The following DENND5B variants were observed in gnomAD, a reference collection of about 807,000 sequenced individuals.
DENND5B encodes the protein DENN domain containing 5B.
DENND5B carries 34 observed loss-of-function variants against 140.6 expected under a neutral mutation model. That is an observed-to-expected ratio of 0.24 (90% CI 0.18 to 0.32). DENND5B has a LOEUF of 0.32. DENND5B is among the 10% of genes least tolerant of loss of function. The pLI is 1.00. For missense variants in DENND5B, 1,142 were observed against 1,560.2 expected (o/e 0.73, Z 4.52); for synonymous variants, 551 against 562.1 (o/e 0.98, Z 0.28).
chr12:31,443,215 G>A (rs973312090), intron 6 of DENND5B, among the ~76,000 whole-genome samples: 5 of 152,102 alleles, frequency 3.3e-5, no homozygotes, highest in African/African-American at 9.7e-5. Context: ...AGCTGAGACC[G>A]CAGGCATGTA....
intron 1 of DENND5B, among the ~76,000 whole-genome samples, chr12:31,579,788 G>C (rs2139464145): frequency 6.8e-6 from 1 of 146,370 alleles, no homozygotes; most frequent in Admixed American, 6.9e-5. Context: ...GAAGGAGGGA[G>C]GGAGGGAGGG....
intron 1 of DENND5B, among the ~76,000 whole-genome samples, chr12:31,545,679 C>T (rs376626537): frequency 2.3e-4 from 35 of 152,022 alleles, no homozygotes; most frequent in Middle Eastern, 6.8e-3. Context: ...ATGGGCCAGG[C>T]GCGGTGGCTC....
rs919307194 is a variant in DENND5B at position 31,557,409 on chromosome 12, C to T, written c.127+33297G>A. 7.2e-5 allele frequency among the ~76,000 whole-genome samples: 11 copies of T among 151,848 alleles called. 1 individual carries two copies. The South Asian group carries it at 2.1e-3, about 29-fold the overall frequency. ...TCTTTTTTCTTTTAAGACAGGGTCT[C>T]GCTCTGTCACCCAGGCTGGAGTGCA... On this transcript the variant is annotated intron_variant, in intron 1 of 20. Transcript: ENST00000389082.
chr12:31,508,075 C>G (rs1471805898), intron 1 of DENND5B, among the ~76,000 whole-genome samples: 1 of 152,058 alleles, frequency 6.6e-6, no homozygotes, highest in Non-Finnish European at 1.5e-5. Flanking sequence ...TAAAGAGACA[C>G]CAAGAGAGCC....
At chr12:31,540,930 G>A in intron 1 of DENND5B, 1 of 432,266 alleles carries the variant, frequency 2.3e-6, no homozygotes, top group Non-Finnish European at 4.6e-6. Context: ...TTTAGACAAA[G>A]GTGCCGAGAA....
chr12:31,392,730 G>A, intron 17 of DENND5B, 34 bp from the exon 18 acceptor site: 1 of 1,536,422 alleles, frequency 6.5e-7, no homozygotes, highest in Non-Finnish European at 8.8e-7. Context: ...GCATTCTCAT[G>A]GGAGAGAAAT....
At chr12:31,560,856 G>A (rs1164087492) in intron 1 of DENND5B, among the ~76,000 whole-genome samples, 6 of 152,086 alleles carry the variant, frequency 3.9e-5, no homozygotes. Context: ...ACTTTCTTAA[G>A]TCTTTGTTCA....
chr12:31,467,386 A>G (rs1331506880), intron 3 of DENND5B, among the ~76,000 whole-genome samples: 3 of 152,116 alleles, frequency 2.0e-5, no homozygotes, highest in Non-Finnish European at 2.9e-5. Flanking sequence ...GCACTTTGGG[A>G]GGCTGAGGCA....
intron 20 of DENND5B, 60 bp from the exon 21 acceptor site, chr12:31,387,846 C>T: frequency 6.5e-7 from 1 of 1,537,398 alleles, no homozygotes; most frequent in Admixed American, 1.8e-5. Context: ...GAACAAGGCA[C>T]ACAGTGGAGT....
At chr12:31,539,721 A>T (rs1255394075) in intron 1 of DENND5B, among the ~76,000 whole-genome samples, 1 of 152,122 alleles carries the variant, frequency 6.6e-6, no homozygotes. Flanking sequence ...GGTATAGAAG[A>T]AACATATCTT....
chr12:31,547,966 A>C (rs1948918203), intron 1 of DENND5B, among the ~76,000 whole-genome samples: 1 of 152,158 alleles, frequency 6.6e-6, no homozygotes, highest in Non-Finnish European at 1.5e-5. Flanking sequence ...TCGGCTTCCC[A>C]AAGTGCTGGG....
At chr12:31,428,821 T>A (rs1943366877) in intron 8 of DENND5B, among the ~76,000 whole-genome samples, 1 of 152,192 alleles carries the variant, frequency 6.6e-6, no homozygotes, top group Admixed American at 6.5e-5. Context: ...AAGCTCCGCC[T>A]CCTGGTTTCA....
chr12:31,440,171 A>G (rs1943970654), intron 7 of DENND5B, among the ~76,000 whole-genome samples: 1 of 152,138 alleles, frequency 6.6e-6, no homozygotes, highest in South Asian at 2.1e-4. Context: ...AGTATCTATT[A>G]GCACATTTTT....
At chr12:31,410,855 T>C (rs1307666618) in intron 13 of DENND5B, among the ~76,000 whole-genome samples, 2 of 152,218 alleles carry the variant, frequency 1.3e-5, no homozygotes, top group Non-Finnish European at 2.9e-5. Context: ...GAAATGTTTA[T>C]GGTACACTGT....
At chr12:31,404,033 C>A (rs137947847) in intron 14 of DENND5B, among the ~76,000 whole-genome samples, 1,907 of 151,618 alleles carry the variant, frequency 0.013, 31 homozygotes, top group African/African-American at 0.042. Context: ...CCAGCCTGGG[C>A]AACAAAGTGA....
intron 1 of DENND5B, among the ~76,000 whole-genome samples, chr12:31,555,114 TGGA>T (rs1331649680): frequency 6.6e-6 from 1 of 152,222 alleles, no homozygotes; most frequent in Non-Finnish European, 1.5e-5. Context: ...TGCGTTCCTT[TGGA>T]GGAGGAGAGG....
chr12:31,420,751 C>T (rs1206856024), intron 11 of DENND5B, among the ~76,000 whole-genome samples: 1 of 152,040 alleles, frequency 6.6e-6, no homozygotes, highest in Non-Finnish European at 1.5e-5. Flanking sequence ...GTCCTCCCAA[C>T]GAATTTAAAG....
At chr12:31,449,195 G>A (rs1362104212) in intron 5 of DENND5B, among the ~76,000 whole-genome samples, 1 of 152,152 alleles carries the variant, frequency 6.6e-6, no homozygotes, top group Non-Finnish European at 1.5e-5. Flanking sequence ...CTGACATAAG[G>A]TGACTTTTAA....
In DENND5B at chr12:31,452,072, A is replaced by G. The variant is rs778226004; in HGVS notation, c.1497T>C (p.Asn499=). The stretch of plus-strand genomic sequence containing the variant: ...TAGCAAAGACCTCTCGGAGCTGTAC[A>G]TTGAGCTGGTAGTCCCTTAGTTCTG... The part of the protein sequence containing the change: ...EEAELRDYQL[N]VQLREVFANR... The change falls in exon 5 of 21, where the codon AAT becomes AAC. Residue 499 remains asparagine, a synonymous_variant. Transcript: ENST00000389082. 1.2e-6 allele frequency: 2 copies of G among 1,614,022 alleles called. No homozygotes were observed. Among genetic ancestry groups the G allele is most frequent in the Non-Finnish European group, 1.7e-6 (2 of 1,179,904 alleles).
Sources: gnomAD v4.1 joint callset for allele counts (sites outside exome capture counted in the v4.1 genomes callset) on GRCh38, gnomAD v4.1.1 for gene constraint, MANE v1.5 for transcripts, NCBI Gene and HGNC (gene_info 2026-07-23, HGNC 2026-07-21) for gene names.